NEO1: variants seen among roughly 807,000 people sequenced by gnomAD.
NEO1 encodes neogenin 1.
Under a neutral mutation model 159.7 loss-of-function variants are expected in NEO1, and 63 were observed. The ratio of observed to expected loss-of-function variants is 0.39; its 90% CI spans 0.32 to 0.49. NEO1 has a LOEUF of 0.49. Ranked by LOEUF, NEO1 falls within the 20% of genes least tolerant of loss-of-function variation. The pLI is 0.85. For missense variants in NEO1, 1,615 were observed against 1,831.0 expected, an observed-to-expected ratio of 0.88 and a Z score of 2.15; for synonymous variants, 633 against 662.0, an observed-to-expected ratio of 0.96 and a Z score of 0.67.
chr15:73,146,790 G>A (rs915265674), intron 5 of NEO1, among the ~76,000 whole-genome samples: 2 of 152,164 alleles, frequency 1.3e-5, no homozygotes, highest in African/African-American at 4.8e-5. Context: ...GCATGATATT[G>A]GACCCTGAAA....
intron 5 of NEO1, among the ~76,000 whole-genome samples, chr15:73,145,689 A>T (rs532931775): frequency 1.3e-5 from 2 of 152,322 alleles, no homozygotes; most frequent in South Asian, 2.1e-4. Context: ...GCAACATGTG[A>T]GAAGTATGAT....
chr15:73,254,902 C>G (rs2040265247), intron 13 of NEO1, 73 bp downstream of exon 13: 2 of 1,458,990 alleles, frequency 1.4e-6, no homozygotes, highest in Non-Finnish European at 1.8e-6. Context: ...AGTCTAATGA[C>G]TGCTCTGAAC....
At chr15:73,212,964 T>C (rs1420404490) in intron 7 of NEO1, among the ~76,000 whole-genome samples, 3 of 152,204 alleles carry the variant, frequency 2.0e-5, no homozygotes, top group Admixed American at 1.3e-4. Flanking sequence ...AAGTGTGTCA[T>C]TGAAATGAAA....
chr15:73,089,058 G>A (rs2069530095), intron 1 of NEO1, among the ~76,000 whole-genome samples: 1 of 152,088 alleles, frequency 6.6e-6, no homozygotes, highest in African/African-American at 2.4e-5. Flanking sequence ...AACAAATACA[G>A]ACAAAAGGTC....
At chr15:73,221,967 GTGAGA>G in intron 7 of NEO1, 1 of 155,626 alleles carries the variant, frequency 6.4e-6, no homozygotes, top group African/African-American at 2.4e-5. Context: ...GCACTCCCTA[GTGAGA>G]TGAACCCGGT....
At position 73,125,128 on chromosome 15, in the gene NEO1, C is replaced by T. The variant is rs146924507; in HGVS notation, c.725-1289C>T. ...TGAGATCACTACTCAACATCTGAAA[C>T]GAAAACATAATGTGGAATGTTTTGC... is the stretch of plus-strand genomic sequence containing the variant. On this transcript the variant is annotated intron_variant, in intron 3 of 28. Coordinates refer to ENST00000261908, the MANE Select transcript of NEO1 (RefSeq NM_002499.4). Among the ~76,000 whole-genome samples, 21 of 152,234 alleles carry T rather than the reference C, an allele frequency of 1.4e-4. No individual in the cohort carries two copies. The East Asian group carries it at 2.1e-3, about 15-fold the overall frequency.
At chr15:73,077,166 C>T (rs1259088943) in intron 1 of NEO1, among the ~76,000 whole-genome samples, 1 of 152,134 alleles carries the variant, frequency 6.6e-6, no homozygotes, top group Non-Finnish European at 1.5e-5. Context: ...GCCTCAGCCT[C>T]CCGAGTAGCT....
chr15:73,254,636 G>A, intron 12 of NEO1, 46 bp from the exon 13 acceptor site: 1 of 1,513,632 alleles, frequency 6.6e-7, no homozygotes, highest in Non-Finnish European at 8.8e-7. Flanking sequence ...ACAGGACCAA[G>A]CTTTTGATAT....
intron 13 of NEO1, among the ~76,000 whole-genome samples, chr15:73,257,132 C>CAAAAAAAAAAAAAAAAAAAAAAA (rs10623334): frequency 3.5e-4 from 19 of 54,774 alleles, no homozygotes; most frequent in African/African-American, 5.2e-4. Flanking sequence ...ACTCTGTCTC[C>CAAAAAAAAAAAAAAAAAAAAAAA]AAAAAAAAAA....
At chr15:73,218,952 TG>T (rs1490657084) in intron 7 of NEO1, among the ~76,000 whole-genome samples, 1 of 152,158 alleles carries the variant, frequency 6.6e-6, no homozygotes, top group Non-Finnish European at 1.5e-5. Flanking sequence ...AGTTATTTCT[TG>T]CCTTCTGCTA....
chr15:73,164,010 C>A (rs1567354832), intron 5 of NEO1, among the ~76,000 whole-genome samples: 1 of 131,362 alleles, frequency 7.6e-6, no homozygotes, highest in Non-Finnish European at 1.6e-5. Flanking sequence ...TATTTTGTTT[C>A]TTTTTCTTAT....
chr15:73,065,340 C>G, intron 1 of NEO1, among the ~76,000 whole-genome samples: 1 of 150,512 alleles, frequency 6.6e-6, no homozygotes, highest in East Asian at 1.9e-4. Context: ...CATCTGGGAT[C>G]ATTTCTTTCT....
chr15:73,271,974 T>C (rs1183118822), intron 18 of NEO1, among the ~76,000 whole-genome samples: 1 of 151,584 alleles, frequency 6.6e-6, no homozygotes, highest in Non-Finnish European at 1.5e-5. Context: ...GAGAAAACTG[T>C]TTTACAATTT....
At chr15:73,213,065 T>G (rs2037671362) in intron 7 of NEO1, among the ~76,000 whole-genome samples, 1 of 152,210 alleles carries the variant, frequency 6.6e-6, no homozygotes. Context: ...TTCTTAAACT[T>G]TGTATACTTC....
chr15:73,124,311 C>T (rs1429806945), intron 3 of NEO1, among the ~76,000 whole-genome samples: 1 of 152,108 alleles, frequency 6.6e-6, no homozygotes, highest in Non-Finnish European at 1.5e-5. Context: ...GATTCTCCTA[C>T]CTTGGCCTCC....
At chr15:73,202,126 G>A (rs926123202) in intron 7 of NEO1, among the ~76,000 whole-genome samples, 3 of 151,702 alleles carry the variant, frequency 2.0e-5, no homozygotes, top group Non-Finnish European at 4.4e-5. Context: ...ACCACACCTG[G>A]CTATTTTTGT....
intron 7 of NEO1, among the ~76,000 whole-genome samples, chr15:73,179,320 G>A (rs1173136101): frequency 5.9e-5 from 9 of 152,134 alleles, no homozygotes; most frequent in South Asian, 4.1e-4. Context: ...CTCTTTTTAC[G>A]GATGAGATCC....
intron 16 of NEO1, among the ~76,000 whole-genome samples, chr15:73,268,643 A>G (rs1286444561): frequency 6.6e-6 from 1 of 152,254 alleles, no homozygotes; most frequent in African/African-American, 2.4e-5. Context: ...TTGAGTAATA[A>G]GGGCTAGTCA....
At chr15:73,140,156 A>T (rs2032239593) in intron 5 of NEO1, among the ~76,000 whole-genome samples, 1 of 152,232 alleles carries the variant, frequency 6.6e-6, no homozygotes, top group Non-Finnish European at 1.5e-5. Context: ...CTCAACAAAT[A>T]CCAGACATTG....
Sources: gnomAD v4.1 joint callset for allele counts (sites outside exome capture counted in the v4.1 genomes callset) on GRCh38, gnomAD v4.1.1 for gene constraint, MANE v1.5 for transcripts, NCBI Gene and HGNC (gene_info 2026-07-23, HGNC 2026-07-21) for gene names.